FRMD5: variants seen among roughly 807,000 people sequenced by gnomAD.
FRMD5 encodes the protein FERM domain-containing protein 5.
In FRMD5, 20 loss-of-function variants were observed where a neutral mutation model predicts 69.0. The ratio of observed to expected loss-of-function variants is 0.29; its 90% CI spans 0.20 to 0.42. The LOEUF is 0.42. Ranked by LOEUF, FRMD5 falls within the 10% of genes least tolerant of loss-of-function variation. The pLI is 1.00. For missense variants in FRMD5, 595 were observed against 708.6 expected, an observed-to-expected ratio of 0.84 and a Z score of 1.82; for synonymous variants, 271 against 260.1, an observed-to-expected ratio of 1.04 and a Z score of -0.40.
chr15:44,025,549 C>G (rs1891396042), intron 1 of FRMD5, among the ~76,000 whole-genome samples: 1 of 152,104 alleles, frequency 6.6e-6, no homozygotes, highest in Admixed American at 6.5e-5. Context: ...AGAAGCAAGT[C>G]TTCATTTTTC....
At chr15:43,912,116 G>T (rs1374245581) in intron 4 of FRMD5, among the ~76,000 whole-genome samples, 1 of 152,138 alleles carries the variant, frequency 6.6e-6, no homozygotes, top group Non-Finnish European at 1.5e-5. Context: ...ATCCCCAGGT[G>T]ATTTGTGTAT....
chr15:44,190,871 G>T (rs1028790853), intron 1 of FRMD5, among the ~76,000 whole-genome samples: 1 of 152,144 alleles, frequency 6.6e-6, no homozygotes, highest in East Asian at 1.9e-4. Flanking sequence ...AATTCTTAGG[G>T]TTTATGATTT....
intron 1 of FRMD5, among the ~76,000 whole-genome samples, chr15:44,119,551 G>A (rs1051846794): frequency 2.0e-5 from 3 of 152,058 alleles, no homozygotes; most frequent in African/African-American, 4.8e-5. Flanking sequence ...ATCCCTGGGA[G>A]GGATATTTTA....
chr15:43,949,924 A>G (rs1271169739), intron 1 of FRMD5, among the ~76,000 whole-genome samples: 3 of 152,166 alleles, frequency 2.0e-5, no homozygotes, highest in African/African-American at 7.2e-5. Context: ...AGAAGAAGAC[A>G]TTTGCATGCT....
At chr15:44,073,199 C>A (rs1236570825) in intron 1 of FRMD5, among the ~76,000 whole-genome samples, 4 of 152,062 alleles carry the variant, frequency 2.6e-5, no homozygotes, top group African/African-American at 9.7e-5. Context: ...GTAAATCTTA[C>A]GTATTCCTCT....
chr15:43,995,322 T>C (rs1448821406), intron 1 of FRMD5, among the ~76,000 whole-genome samples: 2 of 152,196 alleles, frequency 1.3e-5, no homozygotes, highest in Admixed American at 6.5e-5. Context: ...CTTAACTACA[T>C]TTGTGATCCA....
intron 4 of FRMD5, 92 bp downstream of exon 4, chr15:43,919,367 G>C: frequency 1.9e-6 from 2 of 1,044,104 alleles, no homozygotes; most frequent in Non-Finnish European, 3.0e-6. Context: ...AGAGTTAGGC[G>C]CTTCCAAATG....
intron 1 of FRMD5, among the ~76,000 whole-genome samples, chr15:44,149,599 A>G (rs1311877885): frequency 6.6e-6 from 1 of 152,106 alleles, no homozygotes; most frequent in African/African-American, 2.4e-5. Context: ...CATAAGAGAG[A>G]AGGAGTGGCA....
chr15:44,042,011 T>C (rs572546926), intron 1 of FRMD5, among the ~76,000 whole-genome samples: 11 of 151,988 alleles, frequency 7.2e-5, no homozygotes, highest in Admixed American at 5.9e-4. Context: ...TCTGAAAAGA[T>C]CAACAACATA....
chr15:44,156,902 A>C (rs912605893), intron 1 of FRMD5, among the ~76,000 whole-genome samples: 1 of 152,126 alleles, frequency 6.6e-6, no homozygotes, highest in African/African-American at 2.4e-5. Flanking sequence ...TTTTGTCCCA[A>C]AATATATATA....
intron 1 of FRMD5, among the ~76,000 whole-genome samples, chr15:44,019,825 A>G (rs751481410): frequency 1.4e-4 from 21 of 151,488 alleles, no homozygotes; most frequent in Non-Finnish European, 2.4e-4. Flanking sequence ...AATCCTTGGC[A>G]CGGTGTCTAA....
chr15:44,010,457 G>C (rs1190973481), intron 1 of FRMD5, among the ~76,000 whole-genome samples: 1 of 150,798 alleles, frequency 6.6e-6, no homozygotes, highest in Admixed American at 6.6e-5. Context: ...GAGTGCAGTG[G>C]CACGATCTCA....
intron 1 of FRMD5, among the ~76,000 whole-genome samples, chr15:44,150,037 C>G (rs985610528): frequency 2.0e-5 from 3 of 152,006 alleles, no homozygotes; most frequent in African/African-American, 7.3e-5. Context: ...ATATATCACA[C>G]TAACAGAATG....
At chr15:44,042,990 C>T (rs1892267690) in intron 1 of FRMD5, among the ~76,000 whole-genome samples, 1 of 152,170 alleles carries the variant, frequency 6.6e-6, no homozygotes, top group African/African-American at 2.4e-5. Context: ...GTCAAATTGT[C>T]CCTATTTGCA....
At chr15:44,198,259 G>T (rs117360557), upstream of FRMD5, among the ~76,000 whole-genome samples, 845 of 149,110 alleles carry the variant, frequency 5.7e-3, 8 homozygotes, top group East Asian at 0.031. Context: ...AGGGGGAGGG[G>T]AAGGTTGCTG....
At chr15:44,093,666 G>A (rs2114417) in intron 1 of FRMD5, among the ~76,000 whole-genome samples, 122,319 of 151,378 alleles carry the variant, frequency 0.81, 52,922 homozygotes, top group Non-Finnish European at 0.95. Flanking sequence ...TCCATCTCCC[G>A]GGTTCACGCC....
intron 13 of FRMD5, among the ~76,000 whole-genome samples, chr15:43,880,934 G>A (rs1188569071): frequency 6.6e-6 from 1 of 152,202 alleles, no homozygotes; most frequent in East Asian, 1.9e-4. Context: ...AGAGCTGAAT[G>A]GGGACCTGAC....
At chr15:44,022,023 A>G (rs1182795982) in intron 1 of FRMD5, among the ~76,000 whole-genome samples, 1 of 152,194 alleles carries the variant, frequency 6.6e-6, no homozygotes, top group Non-Finnish European at 1.5e-5. Context: ...GCTAAGTGAA[A>G]TAAGCCAGAC....
chr15:44,142,829 A>C (rs777191541), intron 1 of FRMD5, among the ~76,000 whole-genome samples: 1 of 152,202 alleles, frequency 6.6e-6, no homozygotes, highest in Non-Finnish European at 1.5e-5. Context: ...AGTGGCTCAC[A>C]CCTGTAATCC....
Sources: allele counts gnomAD v4.1 joint callset (sites outside exome capture counted in the v4.1 genomes callset), GRCh38; gene constraint gnomAD v4.1.1; transcripts MANE v1.5; gene names NCBI Gene and HGNC (gene_info 2026-07-23, HGNC 2026-07-21).